The following ZZEF1 variants were observed in gnomAD, a reference collection of about 807,000 sequenced individuals.
ZZEF1 encodes zinc finger ZZ-type and EF-hand domain containing 1, also known as zinc finger ZZ-type and EF-hand domain-containing protein 1.
In ZZEF1, 157 loss-of-function variants were observed where a neutral mutation model predicts 342.8. The ratio of observed to expected loss-of-function variants is 0.46; its 90% CI spans 0.40 to 0.52. The LOEUF (loss-of-function observed/expected upper bound fraction) is 0.52. Among genes scored for constraint, ZZEF1 ranks in the 20% least tolerant of loss-of-function variants. ZZEF1 has a pLI of 0.00. For synonymous variants in ZZEF1, 1,505 were observed against 1,429.1 expected (o/e 1.05, Z -1.20); for missense variants, 3,480 against 3,725.6 (o/e 0.93, Z 1.72).
chr17:4,009,306 A>T, intron 53 of ZZEF1: 1 of 565,954 alleles, frequency 1.8e-6, no homozygotes, highest in East Asian at 3.0e-5. Flanking sequence ...AAGAGAAGGA[A>T]GCAGAAATAA....
At chr17:4,089,521 G>C (rs1455029205) in intron 12 of ZZEF1, among the ~76,000 whole-genome samples, 1 of 152,254 alleles carries the variant, frequency 6.6e-6, no homozygotes, top group East Asian at 1.9e-4. Context: ...AAAAAATTAA[G>C]CAGCCAAATA....
intron 16 of ZZEF1, 100 bp downstream of exon 16, chr17:4,085,570 G>A (rs1056948203): frequency 1.6e-5 from 23 of 1,435,330 alleles, no homozygotes; most frequent in Non-Finnish European, 2.1e-5. Context: ...ATACACATCT[G>A]GGACGTTGCA....
intron 16 of ZZEF1, 77 bp from the exon 17 acceptor site, chr17:4,082,581 A>G: frequency 7.5e-7 from 1 of 1,327,342 alleles, no homozygotes; most frequent in Non-Finnish European, 1.1e-6. Context: ...GCAATGAAAC[A>G]TCACCACCCC....
At chr17:4,102,560 A>G (rs533447690) in intron 8 of ZZEF1, 145 bp from the exon 9 acceptor site, 5 of 641,290 alleles carry the variant, frequency 7.8e-6, no homozygotes, top group Admixed American at 5.7e-5. Context: ...TAGAGCAGTA[A>G]TATCAGACAA....
intron 2 of ZZEF1, among the ~76,000 whole-genome samples, chr17:4,121,853 G>A (rs1254444461): frequency 6.6e-6 from 1 of 151,800 alleles, no homozygotes; most frequent in Admixed American, 6.6e-5. Context: ...ATCCCGAGTA[G>A]CTGGGACCAA....
At chr17:4,081,554 A>G in intron 17 of ZZEF1, 64 bp from the exon 18 acceptor site, 1 of 1,370,682 alleles carries the variant, frequency 7.3e-7, no homozygotes, top group Admixed American at 1.8e-5. Flanking sequence ...ACTATTTTAA[A>G]AGATTCCAAA....
intron 49 of ZZEF1, among the ~76,000 whole-genome samples, chr17:4,015,541 G>A (rs1180514390): frequency 6.6e-6 from 1 of 152,232 alleles, no homozygotes; most frequent in Non-Finnish European, 1.5e-5. Flanking sequence ...AAGGCGGGTG[G>A]ATCACCTGAG....
chr17:4,032,893 G>C lies in ZZEF1; in HGVS notation c.6694C>G (p.Gln2232Glu). 6.2e-7 allele frequency: 1 copy of C among 1,614,134 alleles called. No individual in the cohort carries two copies. Among genetic ancestry groups the C allele is most frequent in the Non-Finnish European group, 8.5e-7 (1 of 1,180,008 alleles). Reference sequence around the variant, plus strand: ...GTGTGCTTCAGCTGGAATGGCAGCTGCTTGATGCAGTGGTCTGTGAAGGTG... The same window carrying C: ...GTGTGCTTCAGCTGGAATGGCAGCTCCTTGATGCAGTGGTCTGTGAAGGTG... ...IATFTDHCIK[Q>E]LPFQLKHTNI... Residue 2232 changes from glutamine (Q) to glutamate (E), a missense_variant, in exon 41 of 55, where the codon CAG becomes GAG. This residue lies in a region of ZZEF1 where 1,269 missense variants were observed against 1,342.4 expected (regional missense o/e 0.95). Coordinates refer to ENST00000381638, the MANE Select transcript of ZZEF1 (RefSeq NM_015113.4).
In ZZEF1 at chr17:4,017,188, G is replaced by T; in HGVS notation, c.8001+183C>A. On this transcript the variant is annotated intron_variant, in intron 48 of 54. Coordinates refer to ENST00000381638, the MANE Select transcript of ZZEF1 (RefSeq NM_015113.4). This position sits in a 1 kb window ranked among gnomAD's most constrained non-coding sequence, Gnocchi z 5.1. ...GCTGGAAATCGCGCTCAGGGCCCCT[G>T]AGTTCCTCACTAGCCCAATCCTTGG... 1 of 815,072 alleles carries T rather than the reference G, an allele frequency of 1.2e-6. No individual in the cohort carries two copies. Among genetic ancestry groups the T allele is most frequent in the Non-Finnish European group, 1.8e-6 (1 of 546,592 alleles). 50.5% of individuals were successfully genotyped at this position (815,072 alleles called of 1,614,324 possible). A position where few individuals can be genotyped will look rare whatever the true frequency, so the allele number is the denominator to read the frequency against.
chr17:4,012,277 G>A (rs1290591955), intron 52 of ZZEF1, among the ~76,000 whole-genome samples: 2 of 152,184 alleles, frequency 1.3e-5, no homozygotes, highest in Non-Finnish European at 2.9e-5. Context: ...GAGGACACGG[G>A]GGTAACAGCA....
In ZZEF1 at chr17:4,044,206, T is replaced by C. The variant is rs775228621; in HGVS notation, c.6166+18A>G. The C allele has an allele frequency of 4.7e-5, 76 of 1,611,860 alleles. No homozygotes were observed. The highest frequency in any genetic ancestry group is 6.2e-5 in the Non-Finnish European group (73 of 1,179,122). ...TTTAAGATGAAAGAGATGAAGATAA[T>C]GGTCAAATAGTCTTTACCTGGAAGT... On this transcript the variant is annotated intron_variant, in intron 38 of 54. Coordinates refer to ENST00000381638, the MANE Select transcript of ZZEF1 (RefSeq NM_015113.4).
intron 14 of ZZEF1, 36 bp from the exon 15 acceptor site, chr17:4,086,691 G>C: frequency 6.2e-7 from 1 of 1,609,194 alleles, no homozygotes; most frequent in Non-Finnish European, 8.5e-7. Flanking sequence ...GAGCAAAAGG[G>C]CAAGTTGCAT....
intron 1 of ZZEF1, among the ~76,000 whole-genome samples, chr17:4,138,476 G>A (rs1209536629): frequency 6.6e-6 from 1 of 152,160 alleles, no homozygotes; most frequent in African/African-American, 2.4e-5. Context: ...AAAGGTTACA[G>A]ACTGAATATA....
intron 42 of ZZEF1, among the ~76,000 whole-genome samples, chr17:4,030,203 C>G (rs1267811940): frequency 1.3e-5 from 2 of 152,084 alleles, no homozygotes; most frequent in Non-Finnish European, 2.9e-5. Context: ...AATAACTTGA[C>G]AGATCTCTGG....
intron 40 of ZZEF1, chr17:4,033,661 T>A (rs925138566): frequency 3.7e-6 from 1 of 267,286 alleles, no homozygotes; most frequent in Non-Finnish European, 7.3e-6. Flanking sequence ...TTCCTTCATT[T>A]CTGTTTTCCA....
rs2055849628 is a variant in ZZEF1, at chr17:4,008,015, A to G, written c.8805+868T>C. 6.6e-6 allele frequency among the ~76,000 whole-genome samples: 1 copy of G among 151,842 alleles called. No homozygotes were observed. Among genetic ancestry groups the G allele is most frequent in the African/African-American group, 2.4e-5 (1 of 41,340 alleles). ...ATATTCAAGGAGTCCAAGGTTCTCA[A>G]AATGTACTCTGGGGCCAGGCGACTC... On this transcript the variant is annotated intron_variant, in intron 54 of 54. Transcript: ENST00000381638. The surrounding 1 kb of genome is among the most constrained non-coding windows in gnomAD (Gnocchi z 4.2).
chr17:4,023,312 C>T (rs559783082), intron 43 of ZZEF1, among the ~76,000 whole-genome samples: 2 of 152,270 alleles, frequency 1.3e-5, no homozygotes, highest in South Asian at 2.1e-4. Context: ...TCTCTCTTGC[C>T]GGTCAGACCA....
intron 1 of ZZEF1, 47 bp from the exon 2 acceptor site, chr17:4,124,098 G>C (rs7208760): frequency 0.98 from 1,528,281 of 1,552,624 alleles, 755,219 homozygotes; most frequent in East Asian, 1. Flanking sequence ...TCAAGTAAAC[G>C]AGGGCAGTTT....
At chr17:4,082,084 T>G (rs1303531679) in intron 17 of ZZEF1, among the ~76,000 whole-genome samples, 3 of 152,210 alleles carry the variant, frequency 2.0e-5, no homozygotes, top group Non-Finnish European at 4.4e-5. Context: ...GCACACTTCC[T>G]TCCACAAACT....
Sources: allele counts gnomAD v4.1 joint callset (sites outside exome capture counted in the v4.1 genomes callset), GRCh38; gene constraint gnomAD v4.1.1; regional missense constraint gnomAD v4.1.1; non-coding constraint Gnocchi (gnomAD v3.1); transcripts MANE v1.5; gene names NCBI Gene and HGNC (gene_info 2026-07-23, HGNC 2026-07-21).